PARD6G: variants seen among roughly 807,000 people sequenced by gnomAD.
The protein encoded by PARD6G is partitioning defective 6 homolog gamma.
PARD6G carries 7 observed loss-of-function variants against 10.7 expected under a neutral mutation model. The observed-to-expected ratio is 0.66, with a 90% confidence interval of 0.37 to 1.23. PARD6G has a LOEUF of 1.23. Among genes scored for constraint, PARD6G ranks in the 50% most tolerant of loss-of-function variants. PARD6G has a pLI of 0.02. For synonymous variants in PARD6G, 287 were observed against 269.4 expected (o/e 1.07, Z -0.64); for missense variants, 548 against 571.8 (o/e 0.96, Z 0.42).
At chr18:80,199,051 T>A (rs1279337747) in intron 2 of PARD6G, among the ~76,000 whole-genome samples, 2 of 152,074 alleles carry the variant, frequency 1.3e-5, no homozygotes, top group African/African-American at 4.8e-5. Context: ...CAACCATGAG[T>A]CTATGGATTT....
At chr18:80,215,061 T>C (rs1047548123) in intron 1 of PARD6G, among the ~76,000 whole-genome samples, 1 of 150,504 alleles carries the variant, frequency 6.6e-6, no homozygotes, top group Non-Finnish European at 1.5e-5. Flanking sequence ...CAAAATGCTG[T>C]GGAATGACAT....
intron 2 of PARD6G, among the ~76,000 whole-genome samples, chr18:80,186,537 C>T (rs919390942): frequency 4.6e-5 from 7 of 151,434 alleles, no homozygotes; most frequent in Admixed American, 2.6e-4. Flanking sequence ...TCCTCACACA[C>T]GCGCACACCC....
intron 1 of PARD6G, among the ~76,000 whole-genome samples, chr18:80,208,632 G>C (rs1444805920): frequency 6.6e-6 from 1 of 152,126 alleles, no homozygotes; most frequent in Non-Finnish European, 1.5e-5. Flanking sequence ...AGCCAGGCAT[G>C]GTGGTATACA....
chr18:80,215,844 A>G (rs1725353814), intron 1 of PARD6G, among the ~76,000 whole-genome samples: 1 of 152,120 alleles, frequency 6.6e-6, no homozygotes, highest in African/African-American at 2.4e-5. Flanking sequence ...AACACAAAAC[A>G]CAAATAGAAA....
At chr18:80,241,624 C>G (rs551910164) in intron 1 of PARD6G, among the ~76,000 whole-genome samples, 1 of 152,308 alleles carries the variant, frequency 6.6e-6, no homozygotes, top group African/African-American at 2.4e-5. Context: ...CCTCTCTGCA[C>G]AGCAGGCAAC....
At chr18:80,235,042 CA>C (rs1967403819) in intron 1 of PARD6G, among the ~76,000 whole-genome samples, 1 of 152,194 alleles carries the variant, frequency 6.6e-6, no homozygotes, top group African/African-American at 2.4e-5. Flanking sequence ...CACCCCAAAT[CA>C]ACAGAATATA....
chr18:80,224,224 T>C (rs1879104), intron 1 of PARD6G, among the ~76,000 whole-genome samples: 28,433 of 152,208 alleles, frequency 0.19, 3,255 homozygotes, highest in East Asian at 0.42. Flanking sequence ...TTAACACGAT[T>C]ATGTCTTACC....
intron 2 of PARD6G, among the ~76,000 whole-genome samples, chr18:80,164,071 A>C (rs12456460): frequency 0.17 from 25,344 of 152,132 alleles, 2,886 homozygotes; most frequent in East Asian, 0.48. Flanking sequence ...TACAAAGATC[A>C]GAAAGAGGCA....
intron 1 of PARD6G, among the ~76,000 whole-genome samples, chr18:80,224,801 C>T (rs757098928): frequency 9.2e-5 from 14 of 151,844 alleles, no homozygotes; most frequent in South Asian, 2.1e-4. Context: ...GAGCCGAGAT[C>T]GCGCCACTGC....
chr18:80,234,195 G>GTTCTGGCACAGT (rs1331025089), intron 1 of PARD6G, among the ~76,000 whole-genome samples: 1 of 152,124 alleles, frequency 6.6e-6, no homozygotes, highest in Non-Finnish European at 1.5e-5. Context: ...GCGATGTCCT[G>GTTCTGGCACAGT]GACCTCTGGC....
rs916058110 is a variant in PARD6G, at chr18:80,158,529, A to G, written c.*1242T>C. On this transcript the variant is annotated 3_prime_UTR_variant, in exon 3 of 3. Transcript: ENST00000353265. ...ACCCTGGATTTCCCCTTGAGGCTGA[A>G]TGGGCCACCTATGTGGGTCACAAAA... The G allele has an allele frequency of 3.3e-5, 5 of 152,280 alleles. No homozygotes were observed. The highest frequency in any genetic ancestry group is 1.2e-4 in the African/African-American group (5 of 41,446). 9.4% of individuals were successfully genotyped at this position (152,280 alleles called of 1,614,324 possible). A position where few individuals can be genotyped will look rare whatever the true frequency, so the allele number is the denominator to read the frequency against.
In PARD6G at chr18:80,226,151, GT is replaced by G. The variant is rs10606939; in HGVS notation, c.72+21125del. Among the ~76,000 whole-genome samples, 182 of 76,444 alleles carry G rather than the reference GT, an allele frequency of 2.4e-3. 9 individuals carry two copies. Among genetic ancestry groups the G allele is most frequent in the Non-Finnish European group, 3.3e-3 (137 of 41,600 alleles). 50.2% of individuals were successfully genotyped at this position (76,444 alleles called of 152,430 possible). The stretch of plus-strand genomic sequence containing the variant: ...TCCCCACAGGTAACCAATGACTTCA[GT>G]TTTTTTTTTTTTTTTTTTTTTTTTT... On this transcript the variant is annotated intron_variant, in intron 1 of 2. Transcript: ENST00000353265.
chr18:80,232,991 G>A (rs952462913), intron 1 of PARD6G, among the ~76,000 whole-genome samples: 1 of 152,184 alleles, frequency 6.6e-6, no homozygotes, highest in African/African-American at 2.4e-5. Flanking sequence ...ACCTGGGGCT[G>A]CTCATCTCCT....
Position 80,180,627 on chromosome 18 carries a change from G to A in PARD6G, c.296-20021C>T, listed in dbSNP as rs1172416768. Among the ~76,000 whole-genome samples, 1 of 152,138 alleles carries A rather than the reference G, an allele frequency of 6.6e-6. No individual in the cohort carries two copies. Among genetic ancestry groups the A allele is most frequent in the East Asian group, 1.9e-4 (1 of 5,184 alleles). Reference sequence around the variant, plus strand: ...CTATGGCACCGCAAATGGCAGGGCTGCTCCCCACTCCCTGGAGGAAGTGAG... The same window carrying A: ...CTATGGCACCGCAAATGGCAGGGCTACTCCCCACTCCCTGGAGGAAGTGAG... On this transcript the variant is annotated intron_variant, in intron 2 of 2. Transcript: ENST00000353265. This position sits in a 1 kb window ranked among gnomAD's most constrained non-coding sequence, Gnocchi z 5.6.
Position 80,188,196 on chromosome 18 carries a change from C to T in PARD6G, c.295+14514G>A, listed in dbSNP as rs2052890345. ...AGTCTCTGCTACAGTTAATTAGATA[C>T]AATTTTGTTTAATTATGTGAACCTT... On this transcript the variant is annotated intron_variant, in intron 2 of 2. Transcript: ENST00000353265. This position sits in a 1 kb window ranked among gnomAD's most constrained non-coding sequence, Gnocchi z 5.4. 6.6e-6 allele frequency among the ~76,000 whole-genome samples: 1 copy of T among 152,184 alleles called. No individual in the cohort carries two copies. Among genetic ancestry groups the T allele is most frequent in the African/African-American group, 2.4e-5 (1 of 41,444 alleles).
In PARD6G at chr18:80,168,485, A is replaced by G. The variant is rs575028153; in HGVS notation, c.296-7879T>C. On this transcript the variant is annotated intron_variant, in intron 2 of 2. Transcript: ENST00000353265. ...CAATATGTTAAATCTGGTATTTTCC[A>G]CAAAGTAAACAATTCAAGGAGTCAC... Among the ~76,000 whole-genome samples, 4 of 152,202 alleles carry G rather than the reference A, an allele frequency of 2.6e-5. No homozygotes were observed. The South Asian group carries it at 8.3e-4, about 32-fold the overall frequency.
intron 2 of PARD6G, among the ~76,000 whole-genome samples, chr18:80,185,696 A>G (rs1169268746): frequency 2.0e-5 from 3 of 148,432 alleles, no homozygotes; most frequent in African/African-American, 7.5e-5. Context: ...ACACCCTCAC[A>G]CACATGCACC....
At position 80,181,789 on chromosome 18, in the gene PARD6G, C is replaced by G. The variant is rs572678759; in HGVS notation, c.295+20921G>C. ...CTCCCCATTCCTCGCGTCCTCTCCC[C>G]CTGTGCAGAGCATGTGTGGGGACAG... On this transcript the variant is annotated intron_variant, in intron 2 of 2. Coordinates refer to ENST00000353265, the MANE Select transcript of PARD6G (RefSeq NM_032510.4). The surrounding 1 kb of genome is among the most constrained non-coding windows in gnomAD (Gnocchi z 7.9). Among the ~76,000 whole-genome samples the G allele has an allele frequency of 4.5e-4, 68 of 152,256 alleles. 1 individual carries two copies. Among genetic ancestry groups the G allele is most frequent in the African/African-American group, 1.5e-3 (62 of 41,544 alleles).
chr18:80,213,294 A>G (rs1967126922), intron 1 of PARD6G, among the ~76,000 whole-genome samples: 1 of 152,202 alleles, frequency 6.6e-6, no homozygotes, highest in South Asian at 2.1e-4. Flanking sequence ...AGAGATCTAG[A>G]CAGCTACACA....
Sources: allele counts gnomAD v4.1 joint callset (sites outside exome capture counted in the v4.1 genomes callset), GRCh38; gene constraint gnomAD v4.1.1; non-coding constraint Gnocchi (gnomAD v3.1); transcripts MANE v1.5; gene names NCBI Gene and HGNC (gene_info 2026-07-23, HGNC 2026-07-21).